HRH1: variants seen among roughly 807,000 people sequenced by gnomAD.
HRH1 encodes the protein histamine H1 receptor.
Under a neutral mutation model 10.3 loss-of-function variants are expected in HRH1, and 6 were observed. The observed-to-expected ratio is 0.58, with a 90% CI of 0.32 to 1.15. The LOEUF (loss-of-function observed/expected upper bound fraction) is 1.15, where lower values mean the gene tolerates loss of function less well. Among genes scored for constraint, HRH1 ranks in the 50% most tolerant of loss-of-function variants. The pLI is 0.05. For synonymous variants in HRH1, 242 were observed against 236.7 expected, an observed-to-expected ratio of 1.02 and a Z score of -0.21; for missense variants, 514 against 615.3, an observed-to-expected ratio of 0.84 and a Z score of 1.74.
At chr3:11,242,150 G>T (rs186523507) in intron 1 of HRH1, among the ~76,000 whole-genome samples, 47 of 152,192 alleles carry the variant, frequency 3.1e-4, no homozygotes, top group African/African-American at 1.0e-3. Context: ...CACAGTAAAT[G>T]TTGCTGCTCA....
chr3:11,167,725 C>G (rs1425470356), intron 1 of HRH1, among the ~76,000 whole-genome samples: 1 of 152,266 alleles, frequency 6.6e-6, no homozygotes, highest in East Asian at 1.9e-4. Flanking sequence ...GGAAATGTTG[C>G]TGTAGGCTGC....
upstream of HRH1, among the ~76,000 whole-genome samples, chr3:11,150,462 C>A (rs1226537466): frequency 6.6e-6 from 1 of 152,248 alleles, no homozygotes; most frequent in East Asian, 1.9e-4. Flanking sequence ...CTCCATGATG[C>A]GATGGGTGGG....
At chr3:11,172,833 C>G (rs1238245216) in intron 1 of HRH1, among the ~76,000 whole-genome samples, 1 of 151,944 alleles carries the variant, frequency 6.6e-6, no homozygotes, top group East Asian at 1.9e-4. Context: ...TCCTGAGTAG[C>G]TGGGACTACA....
intron 1 of HRH1, among the ~76,000 whole-genome samples, chr3:11,216,118 A>C (rs2125037181): frequency 6.6e-6 from 1 of 152,236 alleles, no homozygotes; most frequent in Middle Eastern, 3.4e-3. Context: ...AGGGCCCTGA[A>C]CACTCCCTGA....
chr3:11,220,519 C>T (rs915031999), intron 1 of HRH1, among the ~76,000 whole-genome samples: 8 of 152,214 alleles, frequency 5.3e-5, no homozygotes, highest in African/African-American at 1.4e-4. Flanking sequence ...TAGCAAGAGG[C>T]GGTGTGGAGC....
intron 1 of HRH1, among the ~76,000 whole-genome samples, chr3:11,144,513 C>G (rs1167903074): frequency 1.4e-4 from 1 of 6,930 alleles, no homozygotes; most frequent in Non-Finnish European, 2.5e-4. Context: ...CACATACATA[C>G]ACATCATGGA....
At chr3:11,215,242 CT>C (rs974133011) in intron 1 of HRH1, among the ~76,000 whole-genome samples, 1 of 152,192 alleles carries the variant, frequency 6.6e-6, no homozygotes, top group Non-Finnish European at 1.5e-5. Flanking sequence ...CCCATGGAGA[CT>C]TTTTGCACTC....
At chr3:11,186,502 C>G (rs1363182616) in intron 1 of HRH1, among the ~76,000 whole-genome samples, 1 of 152,178 alleles carries the variant, frequency 6.6e-6, no homozygotes, top group Non-Finnish European at 1.5e-5. Context: ...GGTGAGCTAA[C>G]TAACCCAAGA....
chr3:11,256,812 A>G (rs1273115200), intron 1 of HRH1, among the ~76,000 whole-genome samples: 1 of 152,118 alleles, frequency 6.6e-6, no homozygotes, highest in Admixed American at 6.5e-5. Context: ...TAAATAAATA[A>G]ATAAATTTAG....
intron 1 of HRH1, among the ~76,000 whole-genome samples, chr3:11,252,537 A>C (rs915274607): frequency 9.8e-5 from 15 of 152,332 alleles, no homozygotes; most frequent in African/African-American, 3.1e-4. Flanking sequence ...GCTGTTTTCA[A>C]CCGGAGTGAG....
intron 1 of HRH1, among the ~76,000 whole-genome samples, chr3:11,247,824 A>T (rs1271130468): frequency 6.6e-6 from 1 of 152,106 alleles, no homozygotes; most frequent in African/African-American, 2.4e-5. Flanking sequence ...GTGGGGGGGA[A>T]CTAAGGGAGG....
intron 1 of HRH1, among the ~76,000 whole-genome samples, chr3:11,258,071 T>C (rs1205481952): frequency 6.6e-6 from 1 of 152,066 alleles, no homozygotes; most frequent in Non-Finnish European, 1.5e-5. Flanking sequence ...ATAACGAATA[T>C]GCTTTTCCAA....
At position 11,260,791 on chromosome 3, in the gene HRH1, A is replaced by ACCACC; in HGVS notation, c.*290_*291insCCACC. On this transcript the variant is annotated 3_prime_UTR_variant, in exon 2 of 2. Coordinates refer to ENST00000431010, the MANE Select transcript of HRH1 (RefSeq NM_001098212.2). ...AAAAAATAATAAAAATAAAAGAGAG[A>ACCACC]GAGAATCAGACCTGGGTGGAACTCT... 8.6e-6 allele frequency: 3 copies of ACCACC among 346,984 alleles called. No homozygotes were observed. The highest frequency in any genetic ancestry group is 4.4e-5 in the Admixed American group (1 of 22,692). 21.5% of individuals were successfully genotyped at this position (346,984 alleles called of 1,614,324 possible). A position where few individuals can be genotyped will look rare whatever the true frequency, so the allele number is the denominator to read the frequency against.
chr3:11,165,792 A>C (rs763055842), intron 1 of HRH1, among the ~76,000 whole-genome samples: 8 of 152,178 alleles, frequency 5.3e-5, no homozygotes, highest in Non-Finnish European at 1.0e-4. Flanking sequence ...CTATCTGTGC[A>C]CTAAATGTTA....
chr3:11,184,180 A>G (rs192023006), intron 1 of HRH1, among the ~76,000 whole-genome samples: 1 of 152,254 alleles, frequency 6.6e-6, no homozygotes, highest in Admixed American at 6.5e-5. Context: ...ATCTTAACAT[A>G]ATGAGAGCAA....
At chr3:11,198,484 G>T (rs1937762354) in intron 1 of HRH1, among the ~76,000 whole-genome samples, 1 of 152,162 alleles carries the variant, frequency 6.6e-6, no homozygotes, top group Non-Finnish European at 1.5e-5. Flanking sequence ...TTCATTGAAT[G>T]TCTGTTTTTG....
intron 1 of HRH1, among the ~76,000 whole-genome samples, chr3:11,165,289 T>G (rs1937009141): frequency 6.6e-6 from 1 of 152,198 alleles, no homozygotes; most frequent in Admixed American, 6.5e-5. Flanking sequence ...CCGCTTGGTA[T>G]CTCACATTGC....
intron 1 of HRH1, among the ~76,000 whole-genome samples, chr3:11,238,538 A>G (rs562469008): frequency 4.6e-5 from 7 of 152,330 alleles, no homozygotes; most frequent in Non-Finnish European, 8.8e-5. Context: ...TTTAAAAACA[A>G]CTTGATTGAG....
intron 1 of HRH1, among the ~76,000 whole-genome samples, chr3:11,222,623 C>T (rs543710187): frequency 1.3e-5 from 2 of 152,144 alleles, no homozygotes; most frequent in African/African-American, 4.8e-5. Context: ...AAGAAGATGG[C>T]AGGCTGACGG....
Sources: gnomAD v4.1 joint callset for allele counts (sites outside exome capture counted in the v4.1 genomes callset) on GRCh38, gnomAD v4.1.1 for gene constraint, MANE v1.5 for transcripts, NCBI Gene and HGNC (gene_info 2026-07-23, HGNC 2026-07-21) for gene names.